The following PNPLA7 variants were observed in gnomAD, a reference collection of about 807,000 sequenced individuals.
The protein encoded by PNPLA7 is patatin-like phospholipase domain-containing protein 7.
PNPLA7 carries 153 observed loss-of-function variants against 161.7 expected under a neutral mutation model. That is an observed-to-expected ratio of 0.95 (90% CI 0.83 to 1.08). The LOEUF is 1.08. PNPLA7 is among the 50% of genes least tolerant of loss of function. The pLI is 0.00. For missense variants in PNPLA7, 1,739 were observed against 1,856.6 expected (o/e 0.94, Z 1.16); for synonymous variants, 809 against 782.1 (o/e 1.03, Z -0.57).
intron 24 of PNPLA7, 22 bp downstream of exon 24, chr9:137,479,034 C>A (rs754299753): frequency 3.3e-6 from 5 of 1,531,176 alleles, no homozygotes; most frequent in Non-Finnish European, 3.5e-6. Flanking sequence ...CACGGGCAGG[C>A]AGCCTCCTCT....
intron 21 of PNPLA7, among the ~76,000 whole-genome samples, chr9:137,482,895 C>T (rs1421293863): frequency 6.6e-6 from 1 of 152,180 alleles, no homozygotes; most frequent in Non-Finnish European, 1.5e-5. Context: ...TGTTTTGACA[C>T]GGAGTCTTAC....
intron 23 of PNPLA7, chr9:137,479,821 G>T (rs1045415051): frequency 1.0e-6 from 1 of 985,348 alleles, no homozygotes; most frequent in East Asian, 1.1e-4. Context: ...TGCAGACACA[G>T]CCTGGGGCCA....
In PNPLA7 at chr9:137,499,929, AAC is replaced by A. The variant is rs1833286984; in HGVS notation, c.1757+760_1757+761del. ...ATGAGGGTGCGGAGGACTTCCAGAA[AAC>A]ACACACAGAACGGCTCAAGCCACCA... On this transcript the variant is annotated intron_variant, in intron 16 of 34. Coordinates refer to ENST00000406427, the MANE Select transcript of PNPLA7 (RefSeq NM_001098537.3). The surrounding 1 kb of genome is among the most constrained non-coding windows in gnomAD (Gnocchi z 5.5). Among the ~76,000 whole-genome samples the A allele has an allele frequency of 1.3e-5, 2 of 152,206 alleles. No homozygotes were observed. The highest frequency in any genetic ancestry group is 4.1e-4 in the South Asian group (2 of 4,836).
Position 137,515,433 on chromosome 9 carries a change from A to C in PNPLA7, c.1171T>G (p.Leu391Val). 2.5e-6 allele frequency: 4 copies of C among 1,603,860 alleles called. No homozygotes were observed. The highest frequency in any genetic ancestry group is 3.4e-6 in the Non-Finnish European group (4 of 1,176,346). The change falls in exon 12 of 35, where the codon TTG (leucine) becomes GTG (valine). Residue 391 changes from leucine to valine, a missense_variant. Leu to Val is a conservative substitution (Grantham distance 32, BLOSUM62 1). Coordinates refer to ENST00000406427, the MANE Select transcript of PNPLA7 (RefSeq NM_001098537.3). ...GCCCCGGGCTTCTCCAGCTCCTCCA[A>C]GATCTGTTTGCGAATGGAAGGCGCG... ...VPAPSIRKQI[L>V]EELEKPGAGD...
At chr9:137,488,553 G>A (rs1472912362) in intron 20 of PNPLA7, among the ~76,000 whole-genome samples, 2 of 152,166 alleles carry the variant, frequency 1.3e-5, no homozygotes, top group Non-Finnish European at 2.9e-5. Flanking sequence ...AGGCTGGCCG[G>A]GGACCTCGGA....
intron 25 of PNPLA7, among the ~76,000 whole-genome samples, chr9:137,472,177 C>G (rs1173386580): frequency 2.0e-5 from 3 of 151,962 alleles, no homozygotes; most frequent in African/African-American, 4.8e-5. Context: ...CAGCCTCACA[C>G]CTGTTGGGCC....
chr9:137,460,864 C>G, intron 33 of PNPLA7, 127 bp from the exon 34 acceptor site: 1 of 788,628 alleles, frequency 1.3e-6, no homozygotes, highest in Non-Finnish European at 2.0e-6. Context: ...CGGGGCCCTA[C>G]ACGCAGCCAC....
At chr9:137,496,786 G>A (rs1833082818) in intron 18 of PNPLA7, among the ~76,000 whole-genome samples, 1 of 152,182 alleles carries the variant, frequency 6.6e-6, no homozygotes, top group Non-Finnish European at 1.5e-5. Flanking sequence ...CTTGGAGCTG[G>A]GCAGCCCCCC....
chr9:137,461,130 G>A (rs1831170441), intron 33 of PNPLA7: 1 of 321,472 alleles, frequency 3.1e-6, no homozygotes, highest in Admixed American at 4.5e-5. Flanking sequence ...CTGTGAGGAG[G>A]CCACTGGCTG....
chr9:137,538,517 C>G (rs1333893381), intron 8 of PNPLA7, among the ~76,000 whole-genome samples: 1 of 152,176 alleles, frequency 6.6e-6, no homozygotes, highest in Non-Finnish European at 1.5e-5. Flanking sequence ...TGCATCCGAG[C>G]CAGGGTTCTG....
At position 137,506,006 on chromosome 9, in the gene PNPLA7, G is replaced by C. The variant is rs370942586; in HGVS notation, c.1303C>G (p.Pro435Ala). 2 of 1,612,218 alleles carry C rather than the reference G, an allele frequency of 1.2e-6. No individual in the cohort carries two copies. Among genetic ancestry groups the C allele is most frequent in the Non-Finnish European group, 1.7e-6 (2 of 1,179,602 alleles). ...ARVFLHSDEH[P>A]GSSVASKSRK... ...ACCTTGCTGGCCACGGAGCTCCCGG[G>C]GTGCTCGTCCGAGTGCAGGAAGACC... Residue 435 changes from proline (P) to alanine (A), a missense_variant, in exon 13 of 35, where the codon CCC becomes GCC. Coordinates refer to ENST00000406427, the MANE Select transcript of PNPLA7 (RefSeq NM_001098537.3).
chr9:137,494,672 G>GCA (rs1832947540), intron 19 of PNPLA7, among the ~76,000 whole-genome samples: 1 of 144,534 alleles, frequency 6.9e-6, no homozygotes, highest in African/African-American at 2.6e-5. Context: ...CCTGTGCCCT[G>GCA]CCCTCACCTG....
chr9:137,494,127 C>T (rs1194685208), intron 19 of PNPLA7, among the ~76,000 whole-genome samples: 1 of 152,176 alleles, frequency 6.6e-6, no homozygotes, highest in African/African-American at 2.4e-5. Flanking sequence ...TCCATTTGTT[C>T]TAGAATGAAA....
chr9:137,510,491 A>AG (rs1205601253), intron 12 of PNPLA7, among the ~76,000 whole-genome samples: 5 of 152,198 alleles, frequency 3.3e-5, no homozygotes, highest in Non-Finnish European at 5.9e-5. Flanking sequence ...GCTGCCAGGC[A>AG]GGGAAGGGCC....
In PNPLA7 at chr9:137,486,325, G is replaced by A. The variant is rs2132179653; in HGVS notation, c.2198-1589C>T. ...CTGGGATGCACACGGCGCCGTGGCA[G>A]CACTGCGGGTAAGAGCCTGTGAACG... On this transcript the variant is annotated intron_variant, in intron 20 of 34. Transcript: ENST00000406427. This position sits in a 1 kb window ranked among gnomAD's most constrained non-coding sequence, Gnocchi z 6.0. Among the ~76,000 whole-genome samples the A allele has an allele frequency of 6.6e-6, 1 of 152,288 alleles. No individual in the cohort carries two copies. The highest frequency in any genetic ancestry group is 1.9e-4 in the East Asian group (1 of 5,184).
rs756027168 is a variant in PNPLA7, at chr9:137,464,231, A to G, written c.3157-36T>C. The G allele has an allele frequency of 4.3e-6, 7 of 1,612,060 alleles. No homozygotes were observed. In the African/African-American group the frequency reaches 9.4e-5, roughly 22 times the overall value. Reference sequence around the variant, plus strand: ...ACGGGGCTCAGATGGGCCCTCTCCCATCACGCTCCTGTCCTGTGTCTGGGG... The same window carrying G: ...ACGGGGCTCAGATGGGCCCTCTCCCGTCACGCTCCTGTCCTGTGTCTGGGG... On this transcript the variant is annotated intron_variant, in intron 27 of 34. Transcript: ENST00000406427.
intron 14 of PNPLA7, among the ~76,000 whole-genome samples, chr9:137,505,139 G>C (rs1328261928): frequency 1.7e-5 from 2 of 115,768 alleles, no homozygotes; most frequent in Non-Finnish European, 3.2e-5. Context: ...AGTGAGCCGA[G>C]ATCATATCAC....
chr9:137,528,720 AGATGGAGT>A (rs1835425311), intron 8 of PNPLA7, among the ~76,000 whole-genome samples: 1 of 131,918 alleles, frequency 7.6e-6, no homozygotes, highest in Non-Finnish European at 1.6e-5. Context: ...TTTTTTTTTG[AGATGGAGT>A]CTCGCTCTCT....
rs186909765 is a variant in PNPLA7, at chr9:137,524,823, G to A, written c.748-1966C>T. Among the ~76,000 whole-genome samples the A allele has an allele frequency of 3.6e-3, 549 of 151,808 alleles. 3 individuals are homozygous for A. Among genetic ancestry groups the A allele is most frequent in the African/African-American group, 0.013 (533 of 41,348 alleles). On this transcript the variant is annotated intron_variant, in intron 8 of 34. Transcript: ENST00000406427. The surrounding 1 kb of genome is among the most constrained non-coding windows in gnomAD (Gnocchi z 4.4). ...TGGATGCCCCGTGGAATGAGTTTCC[G>A]TGGATGCCCCGTGGAATGAGTTTCC...
Sources: allele counts gnomAD v4.1 joint callset (sites outside exome capture counted in the v4.1 genomes callset), GRCh38; gene constraint gnomAD v4.1.1; non-coding constraint Gnocchi (gnomAD v3.1); transcripts MANE v1.5; gene names NCBI Gene and HGNC (gene_info 2026-07-23, HGNC 2026-07-21).